Variants in TRIM36 observed in about 807,000 individuals in gnomAD.
The protein encoded by TRIM36 is tripartite motif containing 36.
In TRIM36, 42 loss-of-function variants were observed where a neutral mutation model predicts 72.4. That is an observed-to-expected ratio of 0.58 (90% CI 0.45 to 0.75). The LOEUF is 0.75. Ranked by LOEUF, TRIM36 falls within the 30% of genes least tolerant of loss-of-function variation. TRIM36 has a pLI of 0.00. For missense variants in TRIM36, 913 were observed against 857.1 expected, an observed-to-expected ratio of 1.07 and a Z score of -0.81; for synonymous variants, 315 against 282.8, an observed-to-expected ratio of 1.11 and a Z score of -1.14.
At chr5:115,163,864 T>A in intron 1 of TRIM36, 112 bp from the exon 2 acceptor site, 1 of 937,070 alleles carries the variant, frequency 1.1e-6, no homozygotes, top group African/African-American at 1.7e-5. Context: ...ATTAAGAAAA[T>A]GATTTTCTAA....
intron 8 of TRIM36, among the ~76,000 whole-genome samples, chr5:115,132,797 G>C (rs1752762081): frequency 6.6e-6 from 1 of 152,132 alleles, no homozygotes; most frequent in Non-Finnish European, 1.5e-5. Context: ...ACTGAAAACA[G>C]CAGTTATGTC....
At chr5:115,128,108 T>C (rs2112758288) in intron 9 of TRIM36, among the ~76,000 whole-genome samples, 1 of 148,780 alleles carries the variant, frequency 6.7e-6, no homozygotes, top group Admixed American at 6.7e-5. Context: ...CCAGGAGTGG[T>C]AGCTCACGTC....
chr5:115,177,575 G>C, intron 1 of TRIM36: 2 of 1,432,790 alleles, frequency 1.4e-6, no homozygotes, highest in East Asian at 5.1e-5. Context: ...TTCAAATCCT[G>C]TATAATCACA....
At chr5:115,175,249 T>A (rs1755281287) in intron 1 of TRIM36, among the ~76,000 whole-genome samples, 1 of 152,092 alleles carries the variant, frequency 6.6e-6, no homozygotes, top group Non-Finnish European at 1.5e-5. Context: ...GATCACAATG[T>A]GGATATAAGG....
upstream of TRIM36, among the ~76,000 whole-genome samples, chr5:115,173,593 G>A (rs770022187): frequency 6.6e-6 from 1 of 151,974 alleles, no homozygotes; most frequent in Non-Finnish European, 1.5e-5. Flanking sequence ...GTAAACCTGT[G>A]GTAACAAAAT....
At chr5:115,132,190 G>GTA (rs1752721711) in intron 8 of TRIM36, among the ~76,000 whole-genome samples, 2 of 149,220 alleles carry the variant, frequency 1.3e-5, no homozygotes, top group Non-Finnish European at 3.0e-5. Flanking sequence ...CTCTATGTGT[G>GTA]TGTGTGTGTG....
chr5:115,163,535 T>G lies in TRIM36; in HGVS notation c.245A>C (p.Asp82Ala). 6.2e-7 allele frequency: 1 copy of G among 1,614,190 alleles called. No homozygotes were observed. Among genetic ancestry groups the G allele is most frequent in the South Asian group, 1.1e-5 (1 of 91,084 alleles). ...RLPSPSMDKI[D>A]RINRPGWKRN... ...ACACATACCTGGTCTGTTAATTCGG[T>G]CAATTTTATCCATACTAGGGGAGGG... is the stretch of plus-strand genomic sequence containing the variant. The change falls in exon 2 of 10, where the codon GAC becomes GCC. Residue 82 changes from aspartate (D) to alanine (A), a missense_variant. By Grantham distance (126) the Asp-to-Ala change is moderately radical (BLOSUM62 -2). Transcript: ENST00000513154.
In TRIM36 at chr5:115,134,028, T is replaced by C. The variant is rs1277083590; in HGVS notation, c.1330A>G (p.Asn444Asp). 6 of 1,613,854 alleles carry C rather than the reference T, an allele frequency of 3.7e-6. No homozygotes were observed. In the African/African-American group the frequency reaches 5.3e-5, roughly 14 times the overall value. Residue 444 changes from asparagine (N) to aspartate (D), a missense_variant, in exon 8 of 10, where the codon AAT becomes GAT. Asn to Asp is a conservative substitution (Grantham distance 23). Coordinates refer to ENST00000513154, the MANE Select transcript of TRIM36 (RefSeq NM_001300759.2). ...TTCCATGACATTTCATCATCTCTAT[T>C]GATTTTCCGATATTCAAGAACATAG... ...DSYVLEYRKI[N>D]RDDEMSWNEI...
upstream of TRIM36, chr5:115,171,316 C>G (rs543994383): frequency 6.5e-7 from 1 of 1,545,426 alleles, no homozygotes; most frequent in Non-Finnish European, 8.8e-7. Flanking sequence ...GAACAGAGGA[C>G]GAAAGCTTTG....
At chr5:115,167,676 T>C (rs909780663) in intron 1 of TRIM36, among the ~76,000 whole-genome samples, 1 of 152,226 alleles carries the variant, frequency 6.6e-6, no homozygotes, top group African/African-American at 2.4e-5. Context: ...AACAAGTCTC[T>C]AGGAAGTTCC....
At chr5:115,180,072 G>A in exon 1 of TRIM36, 2 of 1,594,476 alleles carry the variant, frequency 1.3e-6, no homozygotes, top group Non-Finnish European at 1.7e-6. Context: ...GAGGACCGAC[G>A]CGGGTGTATC....
At chr5:115,171,215 T>C (rs761134432), upstream of TRIM36, 9 of 1,614,172 alleles carry the variant, frequency 5.6e-6, no homozygotes, top group Non-Finnish European at 7.6e-6. Flanking sequence ...TCGTCTCCAA[T>C]CCGGCATCTA....
intron 1 of TRIM36, chr5:115,168,823 T>C (rs1754926161): frequency 6.6e-6 from 1 of 152,260 alleles, no homozygotes; most frequent in Admixed American, 6.5e-5. Flanking sequence ...AATAGGTTCT[T>C]ACATTCCATT....
intron 5 of TRIM36, among the ~76,000 whole-genome samples, chr5:115,140,145 A>T (rs1047901586): frequency 2.0e-5 from 3 of 152,228 alleles, no homozygotes; most frequent in Non-Finnish European, 4.4e-5. Context: ...TAAAAACAAA[A>T]GCACTGCTGG....
At chr5:115,176,690 T>C (rs1755355330) in intron 1 of TRIM36, among the ~76,000 whole-genome samples, 1 of 152,138 alleles carries the variant, frequency 6.6e-6, no homozygotes, top group South Asian at 2.1e-4. Flanking sequence ...GAAGCGGTGA[T>C]AAAAAAATTA....
intron 1 of TRIM36, among the ~76,000 whole-genome samples, 155 bp downstream of exon 1, chr5:115,169,453 G>A (rs989273099): frequency 6.6e-6 from 1 of 152,236 alleles, no homozygotes; most frequent in Non-Finnish European, 1.5e-5. Flanking sequence ...ACCTAGCCCC[G>A]GGCGGGAGAA....
intron 9 of TRIM36, 51 bp downstream of exon 9, chr5:115,130,541 C>T: frequency 7.2e-6 from 11 of 1,537,632 alleles, no homozygotes; most frequent in Non-Finnish European, 9.6e-6. Context: ...AATCTATTTT[C>T]AGGCTTACTT....
chr5:115,148,803 C>T (rs993042131), intron 2 of TRIM36: 1 of 152,212 alleles, frequency 6.6e-6, no homozygotes, highest in Admixed American at 6.5e-5. Context: ...TTCTTTCATA[C>T]TATCATGTAT....
chr5:115,157,945 G>C (rs1293424244), intron 2 of TRIM36, among the ~76,000 whole-genome samples: 5 of 152,116 alleles, frequency 3.3e-5, no homozygotes, highest in African/African-American at 1.2e-4. Context: ...TAACACAATG[G>C]ACTCTGGGGA....
Sources: gnomAD v4.1 joint callset for allele counts (sites outside exome capture counted in the v4.1 genomes callset) on GRCh38, gnomAD v4.1.1 for gene constraint, MANE v1.5 for transcripts, NCBI Gene and HGNC (gene_info 2026-07-23, HGNC 2026-07-21) for gene names.